The following SH3TC1 variants were observed in gnomAD, a reference collection of about 807,000 sequenced individuals.
SH3TC1 encodes SH3 domain and tetratricopeptide repeats 1, also known as SH3 domain and tetratricopeptide repeat-containing protein 1.
Under a neutral mutation model 117.3 loss-of-function variants are expected in SH3TC1, and 135 were observed. The observed-to-expected ratio is 1.15, with a 90% CI of 1.00 to 1.33. The LOEUF (loss-of-function observed/expected upper bound fraction) is 1.33, where lower values mean the gene tolerates loss of function less well. Among genes scored for constraint, SH3TC1 ranks in the 40% most tolerant of loss-of-function variants. The probability of loss-of-function intolerance (pLI) is 0.00; values close to 1 mark genes in which losing one functional copy is unlikely to be tolerated. For synonymous variants in SH3TC1, 898 were observed against 816.9 expected (o/e 1.10, Z -1.69); for missense variants, 2,092 against 1,794.3 (o/e 1.17, Z -3.00).
rs1219968606 is a variant in SH3TC1 at position 8,210,206 on chromosome 4, G to A, written c.247+384G>A. Among the ~76,000 whole-genome samples, 2 of 152,150 alleles carry A rather than the reference G, an allele frequency of 1.3e-5. No individual in the cohort carries two copies. The highest frequency in any genetic ancestry group is 3.9e-4 in the East Asian group (2 of 5,168). ...TTCCCAGGGATGGGATCGCCGCAGG[G>A]CACAGGTGGAGGGAGGCAGCCCTGG... On this transcript the variant is annotated intron_variant, in intron 3 of 17. Coordinates refer to ENST00000245105, the MANE Select transcript of SH3TC1 (RefSeq NM_018986.5). This position sits in a 1 kb window ranked among gnomAD's most constrained non-coding sequence, Gnocchi z 4.1.
intron 14 of SH3TC1, among the ~76,000 whole-genome samples, chr4:8,234,886 A>G (rs1020477442): frequency 6.6e-6 from 1 of 152,274 alleles, no homozygotes; most frequent in African/African-American, 2.4e-5. Flanking sequence ...TGCATCTGTC[A>G]TAGCAGCAGT....
rs1421128889 is a variant in SH3TC1, at chr4:8,199,326, C to A, written c.-108C>A. 2 of 152,322 alleles carry A rather than the reference C, an allele frequency of 1.3e-5. No individual in the cohort carries two copies. Among genetic ancestry groups the A allele is most frequent in the African/African-American group, 2.4e-5 (1 of 41,474 alleles). 9.4% of individuals were successfully genotyped at this position (152,322 alleles called of 1,614,324 possible). A position where few individuals can be genotyped will look rare whatever the true frequency, so the allele number is the denominator to read the frequency against. On this transcript the variant is annotated 5_prime_UTR_variant, in exon 1 of 18. It adds an upstream start codon to the 5' untranslated region. Coordinates refer to ENST00000245105, the MANE Select transcript of SH3TC1 (RefSeq NM_018986.5). ...GACAGCCCCGTGGGGCCAGCCAGCG[C>A]TGGGCCAGGAGCGGCCACCTGGTTC... is the stretch of plus-strand genomic sequence containing the variant.
At chr4:8,188,583 C>A (rs1717301763) in intron 1 of SH3TC1, among the ~76,000 whole-genome samples, 1 of 152,360 alleles carries the variant, frequency 6.6e-6, no homozygotes, top group Middle Eastern at 3.4e-3. Context: ...TTCCCGGTCC[C>A]CCCTCTGTGG....
In SH3TC1 at chr4:8,240,651, A is replaced by C. The variant is rs541990622; in HGVS notation, c.3754-47A>C. ...GGGCACAGGAACGGCCTCTGGGGAGACTGGCTCCGAGTCCCCCTTTTGCTG... is the reference window on the plus strand; with the variant it reads ...GGGCACAGGAACGGCCTCTGGGGAGCCTGGCTCCGAGTCCCCCTTTTGCTG... On this transcript the variant is annotated intron_variant, in intron 17 of 17. Transcript: ENST00000245105. 314 of 1,609,120 alleles carry C rather than the reference A, an allele frequency of 2.0e-4. 2 individuals carry two copies. The South Asian group carries it at 3.3e-3, about 17-fold the overall frequency.
At chr4:8,235,721 G>C in intron 15 of SH3TC1, 166 bp downstream of exon 15, 4 of 978,970 alleles carry the variant, frequency 4.1e-6, no homozygotes, top group Non-Finnish European at 5.7e-6. Context: ...TGTGCCCCCC[G>C]CCCGGGACAA....
In SH3TC1 at chr4:8,190,787, C is replaced by T. The variant is rs534983857; in HGVS notation, c.-57+8577C>T. On this transcript the variant is annotated intron_variant, in intron 1 of 16. Coordinates refer to the SH3TC1 transcript ENST00000508641. This position sits in a 1 kb window ranked among gnomAD's most constrained non-coding sequence, Gnocchi z 4.7. ...TCCCGAGCAGCTGGGACTACAGGCA[C>T]GCACCACCATGCCCAGCTAATTTTT... is the stretch of plus-strand genomic sequence containing the variant. Among the ~76,000 whole-genome samples the T allele has an allele frequency of 1.1e-4, 16 of 152,216 alleles. No homozygotes were observed. The highest frequency in any genetic ancestry group is 3.9e-4 in the East Asian group (2 of 5,166).
chr4:8,229,282 TCTTG>T (rs1402419801), intron 12 of SH3TC1: 3 of 151,354 alleles, frequency 2.0e-5, no homozygotes, highest in African/African-American at 7.3e-5. Flanking sequence ...GCGGGGCAGC[TCTTG>T]GCCCCGGGTT....
In SH3TC1 at chr4:8,186,627, T is replaced by A. The variant is rs1402886560; in HGVS notation, c.-57+4417T>A. On this transcript the variant is annotated intron_variant, in intron 1 of 16. Coordinates refer to the SH3TC1 transcript ENST00000508641. This position sits in a 1 kb window ranked among gnomAD's most constrained non-coding sequence, Gnocchi z 5.2. ...TCTATCTAAAACTTTAAAATAAAGTTTAGGTTAAAAAAACACTTTTAAAAA... is the reference window on the plus strand; with the variant it reads ...TCTATCTAAAACTTTAAAATAAAGTATAGGTTAAAAAAACACTTTTAAAAA... Among the ~76,000 whole-genome samples, 1 of 152,118 alleles carries A rather than the reference T, an allele frequency of 6.6e-6. No individual in the cohort carries two copies. The highest frequency in any genetic ancestry group is 1.5e-5 in the Non-Finnish European group (1 of 68,024).
intron 9 of SH3TC1, among the ~76,000 whole-genome samples, chr4:8,221,244 GT>G (rs1020074105): frequency 1.3e-5 from 2 of 152,206 alleles, no homozygotes; most frequent in African/African-American, 4.8e-5. Context: ...CTTACAAGGG[GT>G]CAGAGAAGAG....
intron 17 of SH3TC1, among the ~76,000 whole-genome samples, chr4:8,239,567 C>CAA (rs1722151605): frequency 2.0e-5 from 3 of 151,672 alleles, no homozygotes; most frequent in South Asian, 4.2e-4. Flanking sequence ...CATGCACACG[C>CAA]AAATGCACAG....
chr4:8,198,895 G>A (rs1578642514), upstream of SH3TC1, among the ~76,000 whole-genome samples: 6 of 152,358 alleles, frequency 3.9e-5, no homozygotes, highest in South Asian at 1.2e-3. Context: ...ATGTGTGTCT[G>A]CATGCACATG....
chr4:8,226,910 A>G, intron 11 of SH3TC1, 70 bp from the exon 12 acceptor site: 1 of 1,178,976 alleles, frequency 8.5e-7, no homozygotes, highest in Non-Finnish European at 1.2e-6. Context: ...GGATGAGGGG[A>G]CCCTGCCCCC....
Position 8,227,424 on chromosome 4 carries a change from C to T in SH3TC1, c.1730C>T (p.Ser577Phe). ...CTGTGCAGCAGGAGGCTCAAGCTGT[C>T]CCAGGCCCGGGTGTACTTTGAGGAA... ...GRLCSRRLKL[S>F]QARVYFEEAL... The change falls in exon 12 of 18, where the codon TCC becomes TTC. Residue 577 changes from serine to phenylalanine, a missense_variant. Coordinates refer to ENST00000245105, the MANE Select transcript of SH3TC1 (RefSeq NM_018986.5). 1.3e-6 allele frequency: 2 copies of T among 1,555,568 alleles called. No homozygotes were observed. The highest frequency in any genetic ancestry group is 1.7e-6 in the Non-Finnish European group (2 of 1,154,008).
intron 1 of SH3TC1, among the ~76,000 whole-genome samples, chr4:8,184,072 C>T (rs1717157869): frequency 6.6e-6 from 1 of 152,178 alleles, no homozygotes; most frequent in African/African-American, 2.4e-5. Flanking sequence ...TTTAGGCCCT[C>T]TCAGCTGACA....
Position 8,190,903 on chromosome 4 carries a change from A to C in SH3TC1, c.-57+8693A>C, listed in dbSNP as rs1304862388. On this transcript the variant is annotated intron_variant, in intron 1 of 16. Transcript: ENST00000508641. This position sits in a 1 kb window ranked among gnomAD's most constrained non-coding sequence, Gnocchi z 4.7. ...GCGATCCTCCTGCCTCGGCCTCCTA[A>C]AGTGCTAGGATTACAGGCGTAATCC... 6.6e-6 allele frequency among the ~76,000 whole-genome samples: 1 copy of C among 151,124 alleles called. No individual in the cohort carries two copies. The highest frequency in any genetic ancestry group is 1.5e-5 in the Non-Finnish European group (1 of 67,658).
chr4:8,224,055 A>C lies in SH3TC1; in HGVS notation c.1243+1085A>C, dbSNP rs556905872. 2.1e-3 allele frequency among the ~76,000 whole-genome samples: 294 copies of C among 142,996 alleles called. 1 individual carries two copies. The highest frequency in any genetic ancestry group is 6.7e-3 in the African/African-American group (272 of 40,488). The allele number at this position is 142,996 out of a possible 152,430, so 93.8% of individuals were successfully genotyped here. A position where few individuals can be genotyped will look rare whatever the true frequency, so the allele number is the denominator to read the frequency against. ...TGCACTCACAAGTATACACACACAC[A>C]CACCCACCCATGCAGACATGTGTGC... On this transcript the variant is annotated intron_variant, in intron 10 of 17. Coordinates refer to ENST00000245105, the MANE Select transcript of SH3TC1 (RefSeq NM_018986.5).
At chr4:8,231,943 A>T (rs770419363) in intron 12 of SH3TC1, 33 bp from the exon 13 acceptor site, 5 of 1,604,338 alleles carry the variant, frequency 3.1e-6, no homozygotes, top group Non-Finnish European at 4.2e-6. Context: ...CAATGCTGGG[A>T]GGCTGACGTC....
chr4:8,231,815 C>T (rs1256074345), intron 12 of SH3TC1, 161 bp from the exon 13 acceptor site: 1 of 756,918 alleles, frequency 1.3e-6, no homozygotes, highest in Admixed American at 2.8e-5. Context: ...GCATCTGCAC[C>T]AAGCTGTGCC....
chr4:8,235,572 G>C lies in SH3TC1; in HGVS notation c.3405+17G>C. 6.3e-7 allele frequency: 1 copy of C among 1,578,772 alleles called. No individual in the cohort carries two copies. The highest frequency in any genetic ancestry group is 2.3e-5 in the East Asian group (1 of 43,892). ...TTCTACCGGGTGAGCTGGCCTGTGG[G>C]CTGATGTGGGTGGGCCCCAGGGGGG... On this transcript the variant is annotated intron_variant, in intron 15 of 17. Coordinates refer to ENST00000245105, the MANE Select transcript of SH3TC1 (RefSeq NM_018986.5).
Sources: gnomAD v4.1 joint callset for allele counts (sites outside exome capture counted in the v4.1 genomes callset) on GRCh38, gnomAD v4.1.1 for gene constraint, Gnocchi (gnomAD v3.1) non-coding constraint, MANE v1.5 for transcripts, NCBI Gene and HGNC (gene_info 2026-07-23, HGNC 2026-07-21) for gene names.